Variants in NCR3LG1 observed in about 807,000 individuals in gnomAD.
NCR3LG1 encodes the protein natural killer cell cytotoxicity receptor 3 ligand 1, also known as natural cytotoxicity triggering receptor 3 ligand 1.
Under a neutral mutation model 34.8 loss-of-function variants are expected in NCR3LG1, and 35 were observed. The ratio of observed to expected loss-of-function variants is 1.01; its 90% CI spans 0.77 to 1.33. NCR3LG1 has a LOEUF of 1.33. NCR3LG1 is among the 40% of genes most tolerant of loss of function. The pLI, the probability that NCR3LG1 is intolerant of heterozygous loss-of-function variation, is 0.00. For missense variants in NCR3LG1, 452 were observed against 423.3 expected, an observed-to-expected ratio of 1.07 and a Z score of -0.60; for synonymous variants, 173 against 163.6, an observed-to-expected ratio of 1.06 and a Z score of -0.44.
intron 4 of NCR3LG1, among the ~76,000 whole-genome samples, chr11:17,369,866 A>G (rs1038806952): frequency 6.6e-6 from 1 of 152,224 alleles, no homozygotes; most frequent in Non-Finnish European, 1.5e-5. Flanking sequence ...GGAAGAAACT[A>G]GTCAGGCAGG....
In NCR3LG1 at chr11:17,362,683, CCTTCCTTCCTTTCTTTCTTT is replaced by C. The variant is rs1277814864; in HGVS notation, c.422-4322_422-4303del. Among the ~76,000 whole-genome samples, 66 of 20,942 alleles carry C rather than the reference CCTTCCTTCCTTTCTTTCTTT, an allele frequency of 3.2e-3. 3 individuals are homozygous for C. Among genetic ancestry groups the C allele is most frequent in the African/African-American group, 9.9e-3 (11 of 1,106 alleles). The allele number at this position is 20,942 out of a possible 152,430, so 13.7% of individuals were successfully genotyped here. On this transcript the variant is annotated intron_variant, in intron 2 of 4. Coordinates refer to ENST00000338965, the MANE Select transcript of NCR3LG1 (RefSeq NM_001202439.3). Reference sequence around the variant, plus strand: ...TTATTGACTCAGTGTCTCCTTCCTTCCTTCCTTCCTTTCTTTCTTTCTTTCTTTCTTTCTTTCTTTCTTTC... The same window carrying C: ...TTATTGACTCAGTGTCTCCTTCCTTCCTTTCTTTCTTTCTTTCTTTCTTTC...
At chr11:17,354,904 A>G (rs1953187787) in intron 1 of NCR3LG1, among the ~76,000 whole-genome samples, 1 of 152,172 alleles carries the variant, frequency 6.6e-6, no homozygotes, top group Admixed American at 6.5e-5. Flanking sequence ...ATGAAAGGAC[A>G]TGTTTGATGG....
chr11:17,372,578 A>T lies in NCR3LG1; in HGVS notation c.*66A>T. 1 of 618,348 alleles carries T rather than the reference A, an allele frequency of 1.6e-6. No homozygotes were observed. Among genetic ancestry groups the T allele is most frequent in the East Asian group, 2.7e-5 (1 of 36,650 alleles). 38.3% of individuals were successfully genotyped at this position (618,348 alleles called of 1,614,324 possible). ...TTTCATTACAGGACCTTGGGCAAAT[A>T]AGAGGGGACCTGGGCAAGTTCTCTG... is the stretch of plus-strand genomic sequence containing the variant. On this transcript the variant is annotated 3_prime_UTR_variant, in exon 5 of 5. Coordinates refer to ENST00000338965, the MANE Select transcript of NCR3LG1 (RefSeq NM_001202439.3).
At chr11:17,368,570 T>C (rs1433806156) in intron 3 of NCR3LG1, among the ~76,000 whole-genome samples, 1 of 152,172 alleles carries the variant, frequency 6.6e-6, no homozygotes, top group African/African-American at 2.4e-5. Flanking sequence ...GTCTATGTGG[T>C]ATGCACATAG....
At chr11:17,378,350 C>G (rs766024258), downstream of NCR3LG1, among the ~76,000 whole-genome samples, 1 of 152,180 alleles carries the variant, frequency 6.6e-6, no homozygotes, top group African/African-American at 2.4e-5. Flanking sequence ...TGGCTACAAT[C>G]CCTCTTAAAT....
At chr11:17,378,819 T>A (rs1179702476), downstream of NCR3LG1, among the ~76,000 whole-genome samples, 1 of 152,146 alleles carries the variant, frequency 6.6e-6, no homozygotes, top group East Asian at 1.9e-4. Context: ...ACAGGGAGGC[T>A]TGCCTTAGAC....
downstream of NCR3LG1, among the ~76,000 whole-genome samples, chr11:17,378,117 A>G (rs1953492740): frequency 6.6e-6 from 1 of 152,190 alleles, no homozygotes; most frequent in African/African-American, 2.4e-5. Flanking sequence ...GAGCCATAGA[A>G]GCACAACAAC....
intron 3 of NCR3LG1, among the ~76,000 whole-genome samples, chr11:17,367,821 C>CT (rs59039794): frequency 0.19 from 26,487 of 139,924 alleles, 3,990 homozygotes; most frequent in African/African-American, 0.42. Flanking sequence ...GTAGTCTTGT[C>CT]TTTTTTTTTT....
At chr11:17,360,426 A>G (rs1953257660) in intron 2 of NCR3LG1, among the ~76,000 whole-genome samples, 2 of 152,144 alleles carry the variant, frequency 1.3e-5, no homozygotes, top group Non-Finnish European at 2.9e-5. Flanking sequence ...TCTTTCATGG[A>G]TCATGCTCTT....
chr11:17,362,687 C>T lies in NCR3LG1; in HGVS notation c.422-4322C>T, dbSNP rs61880297. ...TGACTCAGTGTCTCCTTCCTTCCTT[C>T]CTTCCTTTCTTTCTTTCTTTCTTTC... On this transcript the variant is annotated intron_variant, in intron 2 of 4. Coordinates refer to ENST00000338965, the MANE Select transcript of NCR3LG1 (RefSeq NM_001202439.3). 8.9e-3 allele frequency among the ~76,000 whole-genome samples: 142 copies of T among 15,920 alleles called. 7 individuals carry two copies. Among genetic ancestry groups the T allele is most frequent in the African/African-American group, 0.084 (50 of 598 alleles). The allele number at this position is 15,920 out of a possible 152,430, so 10.4% of individuals were successfully genotyped here.
intron 2 of NCR3LG1, among the ~76,000 whole-genome samples, chr11:17,364,193 T>C (rs1953319005): frequency 6.6e-6 from 1 of 152,120 alleles, no homozygotes; most frequent in South Asian, 2.1e-4. Flanking sequence ...TTTGGGAAGT[T>C]TCTTTTTTAA....
Position 17,367,329 on chromosome 11 carries a change from G to C in NCR3LG1, c.742G>C (p.Ala248Pro). 1 of 1,533,942 alleles carries C rather than the reference G, an allele frequency of 6.5e-7. No individual in the cohort carries two copies. The highest frequency in any genetic ancestry group is 8.7e-7 in the Non-Finnish European group (1 of 1,145,340). The change falls in exon 3 of 5, where the codon GCT (alanine) becomes CCT (proline). Residue 248 changes from alanine (A) to proline (P), a missense_variant. Ala to Pro is a conservative substitution (Grantham distance 27). Transcript: ENST00000338965. ...GAGGAGCAACTTTACCCTGACTGCT[G>C]CTCGGCACAGTCTTTCTGGTAAGGG... ...PLRSNFTLTA[A>P]RHSLSETEKT...
chr11:17,365,494 T>C (rs76980819), intron 2 of NCR3LG1, among the ~76,000 whole-genome samples: 164 of 152,334 alleles, frequency 1.1e-3, no homozygotes, highest in African/African-American at 3.5e-3. Flanking sequence ...TTCTTAGCCT[T>C]TTCTCTTTCT....
At chr11:17,369,472 CCTGA>C (rs1206453881) in intron 4 of NCR3LG1, among the ~76,000 whole-genome samples, 1 of 152,114 alleles carries the variant, frequency 6.6e-6, no homozygotes, top group Admixed American at 6.5e-5. Flanking sequence ...CATTTTTATC[CCTGA>C]CTATGGCCCA....
intron 2 of NCR3LG1, among the ~76,000 whole-genome samples, chr11:17,365,256 G>A (rs1953331638): frequency 6.6e-6 from 1 of 152,174 alleles, no homozygotes; most frequent in South Asian, 2.1e-4. Context: ...AGAGACTTCA[G>A]TTTCTCTAGT....
chr11:17,352,647 C>T (rs532356853), intron 1 of NCR3LG1, among the ~76,000 whole-genome samples: 1 of 152,240 alleles, frequency 6.6e-6, no homozygotes, highest in South Asian at 2.1e-4. Flanking sequence ...CTCGCATCAT[C>T]CGAGGGGCCG....
At chr11:17,377,496 A>C (rs1953488624), downstream of NCR3LG1, among the ~76,000 whole-genome samples, 2 of 152,162 alleles carry the variant, frequency 1.3e-5, no homozygotes, top group Admixed American at 1.3e-4. Flanking sequence ...TCAAAAAACA[A>C]ACAAACAAAC....
rs1463723409 is a variant in NCR3LG1, at chr11:17,372,431, C to T, written c.1284C>T (p.Ile428=). 1 of 703,158 alleles carries T rather than the reference C, an allele frequency of 1.4e-6. No homozygotes were observed. The highest frequency in any genetic ancestry group is 1.7e-5 in the African/African-American group (1 of 57,246). 43.6% of individuals were successfully genotyped at this position (703,158 alleles called of 1,614,324 possible). ...PDAPILPVSP[I]WEPPPATTST... ...CCCCAATCCTTCCTGTCTCCCCTAT[C>T]TGGGAACCTCCTCCAGCCACAACAT... Residue 428 remains isoleucine (I), a synonymous_variant, in exon 5 of 5, where the codon ATC becomes ATT. Coordinates refer to ENST00000338965, the MANE Select transcript of NCR3LG1 (RefSeq NM_001202439.3).
rs998824704 is a variant in NCR3LG1, at chr11:17,374,903, T to A, written c.*2391T>A. ...AGGGAAGTCCTTTAATCTTTATGTA[T>A]CATAAAGGAAAGGAATGACCCTGGG... On this transcript the variant is annotated 3_prime_UTR_variant, in exon 5 of 5. Transcript: ENST00000338965. 6.6e-5 allele frequency: 10 copies of A among 151,882 alleles called. No individual in the cohort carries two copies. Among genetic ancestry groups the A allele is most frequent in the African/African-American group, 2.4e-4 (10 of 41,302 alleles). The allele number at this position is 151,882 out of a possible 1,614,324, so 9.4% of individuals were successfully genotyped here.
Sources: gnomAD v4.1 joint callset for allele counts (sites outside exome capture counted in the v4.1 genomes callset) on GRCh38, gnomAD v4.1.1 for gene constraint, MANE v1.5 for transcripts, NCBI Gene and HGNC (gene_info 2026-07-23, HGNC 2026-07-21) for gene names.